RGS6: variants seen among roughly 807,000 people sequenced by gnomAD.
The protein encoded by RGS6 is regulator of G protein signaling 6, also known as regulator of G-protein signaling 6.
In RGS6, 30 loss-of-function variants were observed where a neutral mutation model predicts 78.5. The observed-to-expected ratio is 0.38, with a 90% CI of 0.29 to 0.52. RGS6 has a LOEUF of 0.52. RGS6 is among the 20% of genes least tolerant of loss of function. The pLI, the probability that RGS6 is intolerant of heterozygous loss-of-function variation, is 0.85. For synonymous variants in RGS6, 206 were observed against 206.0 expected (o/e 1.00, Z 0.00); for missense variants, 495 against 609.7 (o/e 0.81, Z 1.98).
chr14:72,554,391 C>T (rs1398271220), intron 17 of RGS6, among the ~76,000 whole-genome samples: 1 of 152,272 alleles, frequency 6.6e-6, no homozygotes, highest in Non-Finnish European at 1.5e-5. Context: ...TATCAAGTAA[C>T]TAAATTCCAG....
At chr14:71,927,651 T>C (rs2087734573), upstream of RGS6, among the ~76,000 whole-genome samples, 2 of 150,842 alleles carry the variant, frequency 1.3e-5, no homozygotes, top group Admixed American at 1.3e-4. Flanking sequence ...AGTTCAAGAA[T>C]CCTTTTTTTT....
intron 2 of RGS6, among the ~76,000 whole-genome samples, chr14:72,292,031 CCAAG>C (rs1290139879): frequency 2.3e-5 from 3 of 133,198 alleles, no homozygotes; most frequent in African/African-American, 8.6e-5. Flanking sequence ...CCAGAGGAAG[CCAAG>C]CCTAAGAGAC....
intron 2 of RGS6, among the ~76,000 whole-genome samples, chr14:72,017,168 C>T (rs2087204266): frequency 6.6e-6 from 1 of 152,124 alleles, no homozygotes; most frequent in African/African-American, 2.4e-5. Context: ...TTCTAAGTAG[C>T]TGTGACTACA....
intron 2 of RGS6, among the ~76,000 whole-genome samples, chr14:72,257,200 G>T (rs73302811): frequency 0.15 from 22,746 of 152,108 alleles, 2,662 homozygotes; most frequent in African/African-American, 0.33. Context: ...TAGTTTTTGA[G>T]CCATGTTCTT....
At chr14:72,208,744 G>A (rs984211718) in intron 2 of RGS6, among the ~76,000 whole-genome samples, 3 of 152,156 alleles carry the variant, frequency 2.0e-5, no homozygotes, top group African/African-American at 4.8e-5. Context: ...AATCGTATCA[G>A]CAAGGCATAA....
rs138471008 is a variant in RGS6, at chr14:72,022,128, G to A, written c.84+57253G>A. Among the ~76,000 whole-genome samples, 1,009 of 152,234 alleles carry A rather than the reference G, an allele frequency of 6.6e-3. 19 individuals are homozygous for A. Among genetic ancestry groups the A allele is most frequent in the African/African-American group, 0.023 (950 of 41,518 alleles). On this transcript the variant is annotated intron_variant, in intron 2 of 17. Coordinates refer to ENST00000553525, the MANE Select transcript of RGS6 (RefSeq NM_001204424.2). ...TCTTGTTATTTTTTATGGCTGCATA[G>A]TATTTCATGATATATACGTACCACA...
chr14:71,947,067 C>A (rs2091630392), intron 1 of RGS6, among the ~76,000 whole-genome samples: 1 of 152,176 alleles, frequency 6.6e-6, no homozygotes. Flanking sequence ...GCCCCCCTTA[C>A]AGTGAAATGC....
intron 2 of RGS6, among the ~76,000 whole-genome samples, chr14:72,016,744 A>C (rs2087082532): frequency 6.6e-6 from 1 of 152,122 alleles, no homozygotes; most frequent in East Asian, 1.9e-4. Context: ...TGGGTAGTTT[A>C]AGTTTCACTT....
Position 72,359,907 on chromosome 14 carries a change from T to C in RGS6, c.184+7713T>C, listed in dbSNP as rs565825382. ...GAAACATTGGGAGCAAAAATCCTTA[T>C]TGGGTGTGTCCAACCTGAGATGAGG... is the stretch of plus-strand genomic sequence containing the variant. On this transcript the variant is annotated intron_variant, in intron 3 of 17. Coordinates refer to ENST00000553525, the MANE Select transcript of RGS6 (RefSeq NM_001204424.2). Among the ~76,000 whole-genome samples, 11 of 104,736 alleles carry C rather than the reference T, an allele frequency of 1.1e-4. No homozygotes were observed. In the East Asian group the frequency reaches 1.9e-3, roughly 18 times the overall value. 68.7% of individuals were successfully genotyped at this position (104,736 alleles called of 152,430 possible).
At chr14:72,389,014 G>A (rs1317957156) in intron 3 of RGS6, among the ~76,000 whole-genome samples, 2 of 151,950 alleles carry the variant, frequency 1.3e-5, no homozygotes, top group Non-Finnish European at 2.9e-5. Context: ...TTTATTTTGG[G>A]GAGCACATAA....
intron 15 of RGS6, among the ~76,000 whole-genome samples, chr14:72,525,283 G>A (rs535650810): frequency 2.0e-5 from 3 of 152,276 alleles, no homozygotes; most frequent in South Asian, 2.1e-4. Flanking sequence ...ACAATGTGCC[G>A]ATTCAGCAAA....
At chr14:72,254,443 A>G (rs974146699) in intron 2 of RGS6, among the ~76,000 whole-genome samples, 19 of 151,998 alleles carry the variant, frequency 1.3e-4, no homozygotes, top group African/African-American at 4.6e-4. Context: ...CCCCTTTCAC[A>G]TTGAAGCCTC....
intron 2 of RGS6, among the ~76,000 whole-genome samples, chr14:72,113,704 C>T (rs144949141): frequency 1.9e-3 from 289 of 152,286 alleles, no homozygotes; most frequent in African/African-American, 6.1e-3. Context: ...GGCTCTGTTC[C>T]TCAGGCCTGT....
intron 3 of RGS6, among the ~76,000 whole-genome samples, chr14:72,438,595 TG>T (rs972644606): frequency 2.0e-5 from 3 of 152,216 alleles, no homozygotes; most frequent in Non-Finnish European, 2.9e-5. Context: ...CTTTTTCTCA[TG>T]GGCAAGCCCC....
At chr14:72,422,440 A>G (rs1038008843) in intron 3 of RGS6, among the ~76,000 whole-genome samples, 5 of 152,200 alleles carry the variant, frequency 3.3e-5, no homozygotes, top group Admixed American at 6.5e-5. Flanking sequence ...TCTTGTTAGT[A>G]TCTGCAATCT....
the RGS6 span, among the ~76,000 whole-genome samples, chr14:71,912,356 G>A: frequency 7.2e-5 from 11 of 152,092 alleles, no homozygotes; most frequent in East Asian, 1.2e-3. Context: ...TCAATTGGTT[G>A]GGCTTAGGAT....
the RGS6 span, among the ~76,000 whole-genome samples, chr14:71,873,588 A>C: frequency 6.6e-6 from 1 of 152,100 alleles, no homozygotes; most frequent in African/African-American, 2.4e-5. Flanking sequence ...CCCATTCTGT[A>C]TATTGCCTGT....
chr14:72,189,132 A>G (rs912773708), intron 2 of RGS6, among the ~76,000 whole-genome samples: 44 of 152,332 alleles, frequency 2.9e-4, no homozygotes, highest in Admixed American at 5.2e-4. Context: ...CAACTCTGCC[A>G]TTGTAGCCAA....
chr14:72,080,406 T>C (rs1301691764), intron 2 of RGS6, among the ~76,000 whole-genome samples: 1 of 152,178 alleles, frequency 6.6e-6, no homozygotes, highest in African/African-American at 2.4e-5. Flanking sequence ...TTGTTCGCAT[T>C]CCTTATACAT....
Sources: gnomAD v4.1 joint callset for allele counts (sites outside exome capture counted in the v4.1 genomes callset) on GRCh38, gnomAD v4.1.1 for gene constraint, MANE v1.5 for transcripts, NCBI Gene and HGNC (gene_info 2026-07-23, HGNC 2026-07-21) for gene names.